SGCD: variants seen among roughly 807,000 people sequenced by gnomAD.
SGCD encodes the protein sarcoglycan delta.
Under a neutral mutation model 36.6 loss-of-function variants are expected in SGCD, and 18 were observed. The observed-to-expected ratio is 0.49, with a 90% CI of 0.34 to 0.73. SGCD has a LOEUF of 0.73. SGCD is among the 30% of genes least tolerant of loss of function. The probability of loss-of-function intolerance (pLI) is 0.01; values close to 1 mark genes in which losing one functional copy is unlikely to be tolerated. For missense variants in SGCD, 387 were observed against 346.7 expected, an observed-to-expected ratio of 1.12 and a Z score of -0.92; for synonymous variants, 133 against 130.6, an observed-to-expected ratio of 1.02 and a Z score of -0.12.
intron 3 of SGCD, among the ~76,000 whole-genome samples, chr5:156,497,531 A>G (rs1756250126): frequency 6.6e-6 from 1 of 152,066 alleles, no homozygotes; most frequent in Non-Finnish European, 1.5e-5. Flanking sequence ...AAAACAGATG[A>G]GAAATTACAG....
chr5:155,805,614 T>A, the SGCD span, among the ~76,000 whole-genome samples: 1 of 152,186 alleles, frequency 6.6e-6, no homozygotes, highest in Non-Finnish European at 1.5e-5. Flanking sequence ...ACCAAAAATG[T>A]CTCCACTCAT....
chr5:155,755,769 CCTT>C, the SGCD span, among the ~76,000 whole-genome samples: 6 of 152,244 alleles, frequency 3.9e-5, no homozygotes, highest in East Asian at 1.2e-3. Context: ...AGGGATCTCT[CCTT>C]CTCCAAACTG....
intron 3 of SGCD, among the ~76,000 whole-genome samples, chr5:156,150,191 A>AGCCTTGTTCCCC (rs1762801883): frequency 6.8e-6 from 1 of 147,746 alleles, no homozygotes; most frequent in African/African-American, 2.7e-5. Flanking sequence ...CTCTTTTTGC[A>AGCCTTGTTCCCC]ACTCCTTTTG....
intron 3 of SGCD, among the ~76,000 whole-genome samples, chr5:156,262,763 A>T (rs984260282): frequency 6.6e-6 from 1 of 152,056 alleles, no homozygotes; most frequent in Admixed American, 6.6e-5. Context: ...CTTAGCTTCC[A>T]CTTACGAGTG....
At chr5:156,034,376 T>G (rs1257615827) in intron 1 of SGCD, among the ~76,000 whole-genome samples, 2 of 152,192 alleles carry the variant, frequency 1.3e-5, no homozygotes, top group Non-Finnish European at 2.9e-5. Flanking sequence ...TACCAGAAGA[T>G]ATATTATCAT....
In SGCD at chr5:156,329,521, T is replaced by C; in HGVS notation, c.-43-13T>C. On this transcript the variant is annotated splice_polypyrimidine_tract_variant and intron_variant, in intron 1 of 8. Transcript: ENST00000337851. ...TTCAGACCTTATTTTTAACCCATATTTGTTCCTTGCAGAGACATTACTGCC... is the reference window on the plus strand; with the variant it reads ...TTCAGACCTTATTTTTAACCCATATCTGTTCCTTGCAGAGACATTACTGCC... 1 of 1,594,822 alleles carries C rather than the reference T, an allele frequency of 6.3e-7. No individual in the cohort carries two copies. Among genetic ancestry groups the C allele is most frequent in the Non-Finnish European group, 8.6e-7 (1 of 1,162,866 alleles).
chr5:156,237,115 A>C (rs1765185524), intron 3 of SGCD, among the ~76,000 whole-genome samples: 1 of 151,438 alleles, frequency 6.6e-6, no homozygotes, highest in African/African-American at 2.4e-5. Flanking sequence ...GATTACAGAC[A>C]TGAGCCACTA....
Position 155,935,261 on chromosome 5 carries a change from A to G in SGCD, c.-282+64837A>G, listed in dbSNP as rs112772764. The stretch of plus-strand genomic sequence containing the variant: ...ATTTAATCTTTACCATATCCTAGTG[A>G]CTTTTGTTTATTCATTTATTCATTA... On this transcript the variant is annotated intron_variant, in intron 1 of 9. Coordinates refer to the SGCD transcript ENST00000517913. Among the ~76,000 whole-genome samples the G allele has an allele frequency of 2.0e-3, 311 of 152,254 alleles. 1 individual carries two copies. The highest frequency in any genetic ancestry group is 7.1e-3 in the African/African-American group (296 of 41,546).
chr5:156,031,189 C>T (rs1759342461), intron 1 of SGCD, among the ~76,000 whole-genome samples: 1 of 152,190 alleles, frequency 6.6e-6, no homozygotes, highest in Admixed American at 6.5e-5. Context: ...TCCTGTGCTC[C>T]ATCCTTGGAG....
intron 7 of SGCD, among the ~76,000 whole-genome samples, chr5:156,749,753 C>T (rs1436095347): frequency 6.6e-6 from 1 of 151,836 alleles, no homozygotes; most frequent in Admixed American, 6.6e-5. Context: ...AAACACAAAA[C>T]CTCTATGAGG....
chr5:156,686,047 CT>C (rs1753893200), intron 7 of SGCD, among the ~76,000 whole-genome samples: 1 of 152,080 alleles, frequency 6.6e-6, no homozygotes, highest in Non-Finnish European at 1.5e-5. Context: ...TTAAAAAACA[CT>C]TTTGAAAGAA....
At chr5:156,603,693 A>T (rs1761293767) in intron 6 of SGCD, among the ~76,000 whole-genome samples, 1 of 151,902 alleles carries the variant, frequency 6.6e-6, no homozygotes, top group Admixed American at 6.6e-5. Flanking sequence ...TGTTGTTTAC[A>T]TGTATTTGTA....
chr5:155,746,234 T>C, the SGCD span, among the ~76,000 whole-genome samples: 1 of 152,136 alleles, frequency 6.6e-6, no homozygotes, highest in South Asian at 2.1e-4. Context: ...ATTATGGTAT[T>C]GTTACTGAGA....
intron 1 of SGCD, among the ~76,000 whole-genome samples, chr5:156,054,734 T>C (rs553223396): frequency 1.4e-5 from 2 of 147,134 alleles, no homozygotes; most frequent in Admixed American, 6.8e-5. Flanking sequence ...CTTTTCTCTT[T>C]CCTAAACTTG....
rs1467506212 is a variant in SGCD, at chr5:156,765,638, A to G, written c.*6248A>G. The stretch of plus-strand genomic sequence containing the variant: ...TACATTCTCCTATTTCATCCTCAAA[A>G]CAATCCTTTGAGTTGGGTTTTAATA... On this transcript the variant is annotated 3_prime_UTR_variant, in exon 9 of 9. Transcript: ENST00000337851. 1 of 152,156 alleles carries G rather than the reference A, an allele frequency of 6.6e-6. No homozygotes were observed. Among genetic ancestry groups the G allele is most frequent in the Non-Finnish European group, 1.5e-5 (1 of 68,022 alleles). The allele number at this position is 152,156 out of a possible 1,614,324, so 9.4% of individuals were successfully genotyped here.
intron 5 of SGCD, among the ~76,000 whole-genome samples, 172 bp downstream of exon 5, chr5:156,589,490 C>T (rs562439879): frequency 2.0e-5 from 3 of 152,154 alleles, no homozygotes; most frequent in Admixed American, 6.5e-5. Context: ...GAATCCCATC[C>T]GTACACATAT....
chr5:156,007,701 T>C (rs964074809), intron 1 of SGCD, among the ~76,000 whole-genome samples: 4 of 152,206 alleles, frequency 2.6e-5, no homozygotes, highest in African/African-American at 9.6e-5. Context: ...AGGTGGGGGA[T>C]GGCAGAGCTA....
At chr5:155,761,949 A>G in the SGCD span, among the ~76,000 whole-genome samples, 1 of 152,208 alleles carries the variant, frequency 6.6e-6, no homozygotes, top group African/African-American at 2.4e-5. Context: ...AAAATGTGCT[A>G]AGTACATTTC....
chr5:155,791,095 A>T, the SGCD span, among the ~76,000 whole-genome samples: 1 of 152,168 alleles, frequency 6.6e-6, no homozygotes, highest in Non-Finnish European at 1.5e-5. Context: ...TGAAATCATG[A>T]TGATTAGAAT....
Sources: allele counts gnomAD v4.1 joint callset (sites outside exome capture counted in the v4.1 genomes callset), GRCh38; gene constraint gnomAD v4.1.1; transcripts MANE v1.5; gene names NCBI Gene and HGNC (gene_info 2026-07-23, HGNC 2026-07-21).